The following EVL variants were observed in gnomAD, a reference collection of about 807,000 sequenced individuals.
The protein encoded by EVL is Enah/Vasp-like.
A neutral mutation model predicts 59.6 loss-of-function variants in EVL; 21 were observed. The ratio of observed to expected loss-of-function variants is 0.35; its 90% CI spans 0.25 to 0.51. The LOEUF (loss-of-function observed/expected upper bound fraction) is 0.51. Among genes scored for constraint, EVL ranks in the 20% least tolerant of loss-of-function variants. The pLI, the probability that EVL is intolerant of heterozygous loss-of-function variation, is 0.97. For missense variants in EVL, 462 were observed against 546.6 expected (o/e 0.85, Z 1.54); for synonymous variants, 198 against 203.5 (o/e 0.97, Z 0.23).
rs189934437 is a variant in EVL, at chr14:100,060,153, G to A, written c.6-24534G>A. Among the ~76,000 whole-genome samples the A allele has an allele frequency of 3.0e-3, 457 of 151,502 alleles. 1 individual carries two copies. Among genetic ancestry groups the A allele is most frequent in the Middle Eastern group, 0.011 (3 of 282 alleles). On this transcript the variant is annotated intron_variant, in intron 1 of 13. Coordinates refer to the EVL transcript ENST00000402714. ...AATTATAAAAAACTTGCCCAGTGCCGGGCGCGGTGGCTCACGCCTGTAATC... is the reference window on the plus strand; with the variant it reads ...AATTATAAAAAACTTGCCCAGTGCCAGGCGCGGTGGCTCACGCCTGTAATC...
At chr14:100,056,486 A>G (rs959210940) in intron 1 of EVL, among the ~76,000 whole-genome samples, 2 of 152,022 alleles carry the variant, frequency 1.3e-5, no homozygotes, top group Admixed American at 6.5e-5. Flanking sequence ...TATTATACCT[A>G]TTGGATTTTT....
At chr14:100,020,327 A>G (rs1391589780) in intron 1 of EVL, among the ~76,000 whole-genome samples, 1 of 152,118 alleles carries the variant, frequency 6.6e-6, no homozygotes, top group East Asian at 1.9e-4. Context: ...CCAGGAATCT[A>G]TCCCTGTATA....
At chr14:100,085,370 A>G (rs556769261) in intron 2 of EVL, among the ~76,000 whole-genome samples, 2 of 152,322 alleles carry the variant, frequency 1.3e-5, no homozygotes, top group South Asian at 2.1e-4. Context: ...TGAGGGAACA[A>G]TCATGTCCAC....
upstream of EVL, among the ~76,000 whole-genome samples, chr14:100,060,935 A>G (rs2061816477): frequency 6.6e-6 from 1 of 151,956 alleles, no homozygotes. Context: ...TGGAGGCCAG[A>G]AGACAATGAA....
intron 1 of EVL, among the ~76,000 whole-genome samples, chr14:100,047,798 A>AC (rs2061578338): frequency 6.6e-6 from 1 of 152,180 alleles, no homozygotes; most frequent in Non-Finnish European, 1.5e-5. Context: ...ACGTGGGTAG[A>AC]AAGTCCAGAA....
chr14:100,075,247 G>A (rs944417282), intron 1 of EVL, among the ~76,000 whole-genome samples: 1 of 152,222 alleles, frequency 6.6e-6, no homozygotes, highest in African/African-American at 2.4e-5. Flanking sequence ...GTCTCCTCCT[G>A]TGTGCCGGGC....
intron 1 of EVL, among the ~76,000 whole-genome samples, chr14:100,042,590 T>C (rs1233668454): frequency 6.6e-6 from 1 of 152,180 alleles, no homozygotes; most frequent in Non-Finnish European, 1.5e-5. Flanking sequence ...TGAGGGTGCT[T>C]CAGTAGCATT....
intron 1 of EVL, among the ~76,000 whole-genome samples, chr14:100,012,511 C>T (rs944484939): frequency 6.6e-6 from 1 of 152,214 alleles, no homozygotes; most frequent in Non-Finnish European, 1.5e-5. Flanking sequence ...CTTGCTTATT[C>T]AAAAGGGTAA....
At chr14:100,005,606 C>A (rs1334838366) in intron 1 of EVL, among the ~76,000 whole-genome samples, 1 of 147,686 alleles carries the variant, frequency 6.8e-6, no homozygotes, top group African/African-American at 2.5e-5. Context: ...AGGAGAAAAA[C>A]AAAAAGTATG....
At chr14:100,058,339 G>A (rs2061767346) in intron 1 of EVL, among the ~76,000 whole-genome samples, 1 of 152,190 alleles carries the variant, frequency 6.6e-6, no homozygotes, top group African/African-American at 2.4e-5. Flanking sequence ...TTTAATATCA[G>A]TATCCTGTGT....
chr14:99,973,688 C>G (rs549465285), intron 1 of EVL, among the ~76,000 whole-genome samples: 9 of 152,288 alleles, frequency 5.9e-5, no homozygotes, highest in African/African-American at 2.2e-4. Flanking sequence ...GTCTCGAACT[C>G]CTGACCTCAG....
At chr14:100,143,638 C>T (rs1595268958) in intron 13 of EVL, 63 bp from the exon 14 acceptor site, 1 of 1,602,370 alleles carries the variant, frequency 6.2e-7, no homozygotes, top group Non-Finnish European at 8.5e-7. Context: ...GTGCGGGGCC[C>T]TGATGAGGAA....
intron 1 of EVL, among the ~76,000 whole-genome samples, chr14:100,055,286 C>T (rs1296562835): frequency 1.3e-5 from 2 of 151,514 alleles, no homozygotes; most frequent in South Asian, 2.1e-4. Context: ...TGTGGCCTTT[C>T]GTGTCTTGCC....
intron 8 of EVL, among the ~76,000 whole-genome samples, chr14:100,134,491 T>C (rs934361391): frequency 3.3e-5 from 5 of 152,196 alleles, no homozygotes; most frequent in Non-Finnish European, 7.3e-5. Context: ...CAGCTGGTTC[T>C]TGTTTGCCAT....
chr14:100,028,752 A>G (rs1490755950), intron 1 of EVL, among the ~76,000 whole-genome samples: 1 of 152,226 alleles, frequency 6.6e-6, no homozygotes, highest in Non-Finnish European at 1.5e-5. Context: ...CGCAGGTTGC[A>G]GTGAGCCAAG....
intron 1 of EVL, among the ~76,000 whole-genome samples, chr14:100,053,379 C>T (rs1473509256): frequency 6.6e-6 from 1 of 152,060 alleles, no homozygotes; most frequent in Non-Finnish European, 1.5e-5. Context: ...ATGGCTACTC[C>T]TCCCTTAGTG....
chr14:99,979,885 AAAAT>A (rs1218977174), intron 1 of EVL, among the ~76,000 whole-genome samples: 4 of 152,192 alleles, frequency 2.6e-5, no homozygotes, highest in East Asian at 1.9e-4. Flanking sequence ...TAAATAAATA[AAAAT>A]AAATAAATAA....
At chr14:100,050,362 T>TTTA (rs1465317538) in intron 1 of EVL, among the ~76,000 whole-genome samples, 7 of 27,814 alleles carry the variant, frequency 2.5e-4, no homozygotes, top group East Asian at 7.1e-4. Context: ...TATTTATTTA[T>TTTA]TTTTTTTTAG....
At chr14:100,040,534 C>G (rs1437349377) in intron 1 of EVL, among the ~76,000 whole-genome samples, 2 of 152,204 alleles carry the variant, frequency 1.3e-5, no homozygotes, top group East Asian at 3.9e-4. Flanking sequence ...CGGAGCCTGA[C>G]TGCTAGTCAG....
Sources: gnomAD v4.1 joint callset for allele counts (sites outside exome capture counted in the v4.1 genomes callset) on GRCh38, gnomAD v4.1.1 for gene constraint, MANE v1.5 for transcripts, NCBI Gene and HGNC (gene_info 2026-07-23, HGNC 2026-07-21) for gene names.